The following WDR41 variants were observed in gnomAD, a reference collection of about 807,000 sequenced individuals.
The protein encoded by WDR41 is WD repeat domain 41, also known as WD repeat-containing protein 41.
A neutral mutation model predicts 69.3 loss-of-function variants in WDR41; 63 were observed. That is an observed-to-expected ratio of 0.91 (90% CI 0.74 to 1.12). The LOEUF (loss-of-function observed/expected upper bound fraction) is 1.12. Among genes scored for constraint, WDR41 ranks in the 50% most tolerant of loss-of-function variants. The pLI is 0.00. For missense variants in WDR41, 543 were observed against 534.5 expected (o/e 1.02, Z -0.16); for synonymous variants, 185 against 192.1 (o/e 0.96, Z 0.31).
chr5:77,478,371 G>A (rs188867883), intron 2 of WDR41, among the ~76,000 whole-genome samples: 8,726 of 151,974 alleles, frequency 0.057, 762 homozygotes, highest in African/African-American at 0.19. Flanking sequence ...AGACATAACC[G>A]AAAAAGAGAA....
chr5:77,483,697 G>T (rs1179061016), intron 2 of WDR41, among the ~76,000 whole-genome samples: 2 of 152,094 alleles, frequency 1.3e-5, no homozygotes, highest in African/African-American at 4.8e-5. Context: ...ATTCTTCCTA[G>T]CTTGAATTCT....
chr5:77,458,847 G>A, intron 5 of WDR41: 1 of 382,014 alleles, frequency 2.6e-6, no homozygotes, highest in Non-Finnish European at 4.7e-6. Flanking sequence ...TCTTGCTATT[G>A]GGATTATCCC....
chr5:77,598,338 C>G (rs1744260717), intron 1 of WDR41, among the ~76,000 whole-genome samples: 2 of 152,210 alleles, frequency 1.3e-5, no homozygotes, highest in African/African-American at 4.8e-5. Context: ...ATACTACTCC[C>G]TTGTACAAGA....
At chr5:77,457,547 T>C (rs1272476560) in intron 5 of WDR41, among the ~76,000 whole-genome samples, 2 of 152,108 alleles carry the variant, frequency 1.3e-5, no homozygotes, top group African/African-American at 2.4e-5. Context: ...TCTAGAATGA[T>C]CACTGGATTA....
At chr5:77,469,746 G>GAAAC (rs146394049) in intron 2 of WDR41, among the ~76,000 whole-genome samples, 92,135 of 151,446 alleles carry the variant, frequency 0.61, 29,723 homozygotes, top group African/African-American at 0.83. Context: ...AGGATAAAAA[G>GAAAC]AAACAAAGCC....
chr5:77,514,791 T>C (rs1304728715), intron 1 of WDR41, among the ~76,000 whole-genome samples: 1 of 152,044 alleles, frequency 6.6e-6, no homozygotes, highest in Non-Finnish European at 1.5e-5. Context: ...AGCATGTTAC[T>C]CTACTGACTA....
intron 1 of WDR41, among the ~76,000 whole-genome samples, chr5:77,577,542 A>G (rs1166831471): frequency 6.6e-6 from 1 of 152,330 alleles, no homozygotes; most frequent in Non-Finnish European, 1.5e-5. Context: ...ATAGAAATTC[A>G]TCTAAATACT....
At chr5:77,526,967 A>G (rs1802459019) in intron 1 of WDR41, among the ~76,000 whole-genome samples, 1 of 152,050 alleles carries the variant, frequency 6.6e-6, no homozygotes, top group South Asian at 2.1e-4. Flanking sequence ...GCTTGAAACC[A>G]CATCTACTGT....
chr5:77,452,755 A>C (rs1445069948), intron 6 of WDR41: 1 of 152,220 alleles, frequency 6.6e-6, no homozygotes, highest in Non-Finnish European at 1.5e-5. Flanking sequence ...GCAGTATTGT[A>C]ATGATTTAAT....
At chr5:77,437,909 CAAAA>C (rs1039229860) in intron 10 of WDR41, among the ~76,000 whole-genome samples, 2 of 152,060 alleles carry the variant, frequency 1.3e-5, no homozygotes, top group African/African-American at 4.8e-5. Flanking sequence ...TGGCCATAAA[CAAAA>C]AGAAGGTAGG....
chr5:77,579,191 G>A (rs1743890419), intron 1 of WDR41, among the ~76,000 whole-genome samples: 1 of 152,098 alleles, frequency 6.6e-6, no homozygotes, highest in Non-Finnish European at 1.5e-5. Context: ...TGTAATGGGA[G>A]TAGCAGAAGT....
intron 12 of WDR41, among the ~76,000 whole-genome samples, chr5:77,433,574 G>A (rs1798812635): frequency 6.6e-6 from 1 of 152,022 alleles, no homozygotes. Flanking sequence ...TCAAGTATTG[G>A]TTTTACTTAA....
intron 1 of WDR41, among the ~76,000 whole-genome samples, chr5:77,599,197 C>CTTTTTTTT (rs34759217): frequency 3.3e-4 from 25 of 76,208 alleles, no homozygotes; most frequent in Non-Finnish European, 3.8e-4. Flanking sequence ...ATCGGAAGCT[C>CTTTTTTTT]TTTTTTTTTT....
intron 1 of WDR41, among the ~76,000 whole-genome samples, chr5:77,535,697 T>G (rs977944586): frequency 6.6e-6 from 1 of 152,210 alleles, no homozygotes; most frequent in African/African-American, 2.4e-5. Context: ...CCATCTTTTT[T>G]CATTTGTCTA....
At chr5:77,603,377 G>A (rs1323187115) in intron 1 of WDR41, among the ~76,000 whole-genome samples, 1 of 152,168 alleles carries the variant, frequency 6.6e-6, no homozygotes, top group African/African-American at 2.4e-5. Flanking sequence ...TTTGAGAAAT[G>A]TCTATTCATG....
chr5:77,586,426 C>A (rs1489954558), intron 1 of WDR41, among the ~76,000 whole-genome samples: 2 of 152,046 alleles, frequency 1.3e-5, no homozygotes, highest in African/African-American at 4.8e-5. Context: ...CCCACTTGAG[C>A]CTCTCCAGTA....
chr5:77,599,608 A>G (rs1304321434), intron 1 of WDR41, among the ~76,000 whole-genome samples: 1 of 152,204 alleles, frequency 6.6e-6, no homozygotes, highest in Non-Finnish European at 1.5e-5. Flanking sequence ...ATGCTATATG[A>G]TAGGTAAAAT....
At chr5:77,491,654 T>A (rs1354964295) in intron 1 of WDR41, among the ~76,000 whole-genome samples, 2 of 152,194 alleles carry the variant, frequency 1.3e-5, no homozygotes, top group Non-Finnish European at 2.9e-5. Flanking sequence ...GATTACTTTT[T>A]AAAAATAATT....
At chr5:77,552,632 C>G (rs1488093315) in intron 1 of WDR41, among the ~76,000 whole-genome samples, 1 of 152,076 alleles carries the variant, frequency 6.6e-6, no homozygotes, top group African/African-American at 2.4e-5. Flanking sequence ...ACTACTCTAC[C>G]CATATTAAGC....
Sources: allele counts gnomAD v4.1 joint callset (sites outside exome capture counted in the v4.1 genomes callset), GRCh38; gene constraint gnomAD v4.1.1; transcripts MANE v1.5; gene names NCBI Gene and HGNC (gene_info 2026-07-23, HGNC 2026-07-21).